Variants in ATP13A5 observed in about 807,000 individuals in gnomAD.
ATP13A5 encodes the protein ATPase 13A5, also known as probable cation-transporting ATPase 13A5.
A neutral mutation model predicts 150.2 loss-of-function variants in ATP13A5; 149 were observed. The ratio of observed to expected loss-of-function variants is 0.99; its 90% confidence interval spans 0.87 to 1.14. The LOEUF is 1.14. Ranked by LOEUF, ATP13A5 falls within the 50% of genes most tolerant of loss-of-function variation. ATP13A5 has a pLI of 0.00. For synonymous variants in ATP13A5, 497 were observed against 522.2 expected (o/e 0.95, Z 0.66); for missense variants, 1,383 against 1,449.3 (o/e 0.95, Z 0.74).
chr3:193,368,168 G>A (rs1269374748), intron 1 of ATP13A5, among the ~76,000 whole-genome samples: 1 of 152,120 alleles, frequency 6.6e-6, no homozygotes, highest in Non-Finnish European at 1.5e-5. Context: ...AATTGTGTTT[G>A]TATATATTAG....
intron 24 of ATP13A5, among the ~76,000 whole-genome samples, chr3:193,300,430 C>T (rs907826220): frequency 6.6e-6 from 1 of 152,096 alleles, no homozygotes; most frequent in Non-Finnish European, 1.5e-5. Flanking sequence ...TTCTTCCCAC[C>T]AGGCTGCCTT....
At chr3:193,333,936 AGG>A in intron 10 of ATP13A5, 29 bp from the exon 11 acceptor site, 2 of 1,593,280 alleles carry the variant, frequency 1.3e-6, no homozygotes, top group South Asian at 2.3e-5. Context: ...AGATCAAGTA[AGG>A]CTGCTTGATG....
At chr3:193,310,025 C>T (rs1462797639) in intron 21 of ATP13A5, among the ~76,000 whole-genome samples, 1 of 152,196 alleles carries the variant, frequency 6.6e-6, no homozygotes, top group African/African-American at 2.4e-5. Context: ...TCCTCCCACC[C>T]TCTGCTCTCA....
rs77025466 is a variant in ATP13A5, at chr3:193,325,929, T to C, written c.1524-915A>G. Reference sequence around the variant, plus strand: ...ACATCTTTTTTCCCTTTCACTGCTCTGGCCAATAGATTCCTTGCCTGTCTG... The same window carrying C: ...ACATCTTTTTTCCCTTTCACTGCTCCGGCCAATAGATTCCTTGCCTGTCTG... On this transcript the variant is annotated intron_variant, in intron 13 of 29. Coordinates refer to ENST00000342358, the MANE Select transcript of ATP13A5 (RefSeq NM_198505.4). 9.7e-3 allele frequency among the ~76,000 whole-genome samples: 1,474 copies of C among 152,306 alleles called. 22 individuals carry two copies. Among genetic ancestry groups the C allele is most frequent in the African/African-American group, 0.034 (1,403 of 41,554 alleles).
chr3:193,371,636 G>T (rs1713445462), intron 1 of ATP13A5, among the ~76,000 whole-genome samples: 1 of 152,182 alleles, frequency 6.6e-6, no homozygotes. Context: ...CTGGTAGTCA[G>T]CTGGAAGCGA....
intron 1 of ATP13A5, among the ~76,000 whole-genome samples, chr3:193,377,110 A>G (rs1433024455): frequency 6.6e-6 from 1 of 152,250 alleles, no homozygotes; most frequent in African/African-American, 2.4e-5. Context: ...GTATCAGGCT[A>G]TAAACTTTAC....
intron 20 of ATP13A5, 128 bp downstream of exon 20, chr3:193,311,688 C>T (rs539060176): frequency 1.4e-5 from 19 of 1,321,796 alleles, no homozygotes; most frequent in Non-Finnish European, 1.7e-5. Flanking sequence ...AGGAGCAGTA[C>T]TCCTTTGGGG....
chr3:193,303,105 C>T (rs1718469443), intron 23 of ATP13A5, among the ~76,000 whole-genome samples: 1 of 152,174 alleles, frequency 6.6e-6, no homozygotes, highest in Non-Finnish European at 1.5e-5. Context: ...CTCAAACTCC[C>T]TGCAAGGTCT....
intron 17 of ATP13A5, 71 bp downstream of exon 17, chr3:193,318,920 T>C: frequency 3.8e-6 from 4 of 1,044,558 alleles, no homozygotes; most frequent in Non-Finnish European, 6.0e-6. Flanking sequence ...GAACTGTTCA[T>C]CTGTTCATCT....
In ATP13A5 at chr3:193,307,347, C is replaced by A; in HGVS notation, c.2548G>T (p.Asp850Tyr). Residue 850 changes from aspartate (D) to tyrosine (Y), a missense_variant, in exon 22 of 30, where the codon GAT becomes TAT. This residue lies in a region of ATP13A5 where 568 missense variants were observed against 621.5 expected (regional missense o/e 0.91). Coordinates refer to ENST00000342358, the MANE Select transcript of ATP13A5 (RefSeq NM_198505.4). ...KLNYYVGMCG[D>Y]GANDCGALKA... ...CTCACCCCACAGTCGTTAGCTCCAT[C>A]TCCACACATGCCCACATAATAACTG... The A allele has an allele frequency of 6.2e-7, 1 of 1,613,588 alleles. No individual in the cohort carries two copies. Among genetic ancestry groups the A allele is most frequent in the Non-Finnish European group, 8.5e-7 (1 of 1,179,784 alleles).
chr3:193,321,047 G>A (rs537361891), intron 16 of ATP13A5, among the ~76,000 whole-genome samples: 27 of 152,046 alleles, frequency 1.8e-4, no homozygotes, highest in African/African-American at 2.2e-4. Context: ...CTTACCTAGC[G>A]TCCAGACCTC....
chr3:193,327,757 T>C (rs1719517676), intron 12 of ATP13A5, among the ~76,000 whole-genome samples: 2 of 152,220 alleles, frequency 1.3e-5, no homozygotes, highest in African/African-American at 4.8e-5. Context: ...TCCTCATTGT[T>C]TCACAGGTGT....
At chr3:193,329,319 C>T (rs1037569444) in intron 12 of ATP13A5, among the ~76,000 whole-genome samples, 5 of 151,932 alleles carry the variant, frequency 3.3e-5, no homozygotes, top group African/African-American at 1.2e-4. Context: ...AAATTTCAAT[C>T]AAGAGTTTTT....
Position 193,311,846 on chromosome 3 carries a change from T to C in ATP13A5, c.2415A>G (p.Ile805Met), listed in dbSNP as rs1044994434. ...GAAGCAAGCTGTTGAAATGCTGAAA[T>C]ATCACTTGGTATGATTTCCCACTCA... is the stretch of plus-strand genomic sequence containing the variant. ...FAMSGKSYQV[I>M]FQHFNSLLPK... Residue 805 changes from isoleucine (I) to methionine (M), a missense_variant, in exon 20 of 30, where the codon ATA becomes ATG. Coordinates refer to ENST00000342358, the MANE Select transcript of ATP13A5 (RefSeq NM_198505.4). The C allele has an allele frequency of 1.9e-6, 3 of 1,613,800 alleles. No homozygotes were observed. The African/African-American group carries it at 4.0e-5, about 22-fold the overall frequency.
intron 1 of ATP13A5, among the ~76,000 whole-genome samples, chr3:193,370,240 G>C (rs549665808): frequency 6.6e-6 from 1 of 152,148 alleles, no homozygotes; most frequent in Non-Finnish European, 1.5e-5. Flanking sequence ...ATATGCATGC[G>C]CTTTTTCACA....
intron 9 of ATP13A5, among the ~76,000 whole-genome samples, chr3:193,340,388 A>T (rs1362420002): frequency 6.6e-6 from 1 of 152,224 alleles, no homozygotes; most frequent in Non-Finnish European, 1.5e-5. Flanking sequence ...GGATGAACAA[A>T]TAAGTAAAAG....
intron 16 of ATP13A5, among the ~76,000 whole-genome samples, chr3:193,321,360 G>T (rs182606707): frequency 6.6e-6 from 1 of 152,274 alleles, no homozygotes; most frequent in Admixed American, 6.5e-5. Context: ...GCTGGCCGCG[G>T]TGGCTCACAC....
At chr3:193,353,700 C>T (rs555103472) in intron 6 of ATP13A5, among the ~76,000 whole-genome samples, 5 of 152,294 alleles carry the variant, frequency 3.3e-5, no homozygotes, top group Admixed American at 3.3e-4. Flanking sequence ...ACATAAAGAA[C>T]ACAGTAGTCT....
chr3:193,361,527 C>A (rs1384296660), intron 5 of ATP13A5, among the ~76,000 whole-genome samples: 1 of 152,042 alleles, frequency 6.6e-6, no homozygotes, highest in Non-Finnish European at 1.5e-5. Context: ...GTGTTTCTGG[C>A]CGACTGTAAA....
Sources: allele counts gnomAD v4.1 joint callset (sites outside exome capture counted in the v4.1 genomes callset), GRCh38; gene constraint gnomAD v4.1.1; regional missense constraint gnomAD v4.1.1; transcripts MANE v1.5; gene names NCBI Gene and HGNC (gene_info 2026-07-23, HGNC 2026-07-21).